Variants in PRR16 observed in about 807,000 individuals in gnomAD.
PRR16 encodes the protein protein Largen.
In PRR16, 6 loss-of-function variants were observed where a neutral mutation model predicts 18.2. The ratio of observed to expected loss-of-function variants is 0.33; its 90% confidence interval spans 0.18 to 0.65. The LOEUF (loss-of-function observed/expected upper bound fraction) is 0.65, where lower values mean the gene tolerates loss of function less well. Ranked by LOEUF, PRR16 falls within the 30% of genes least tolerant of loss-of-function variation. The pLI is 0.74. For synonymous variants in PRR16, 151 were observed against 147.8 expected (o/e 1.02, Z -0.16); for missense variants, 412 against 376.6 (o/e 1.09, Z -0.78).
the PRR16 span, among the ~76,000 whole-genome samples, chr5:120,745,564 AC>A: frequency 2.8e-5 from 4 of 145,056 alleles, no homozygotes; most frequent in African/African-American, 1.1e-4. Flanking sequence ...AACAACAACA[AC>A]AACAAATACT....
At chr5:120,524,655 T>C (rs1486892410) in intron 1 of PRR16, among the ~76,000 whole-genome samples, 1 of 152,044 alleles carries the variant, frequency 6.6e-6, no homozygotes, top group Non-Finnish European at 1.5e-5. Context: ...GAATTCATAG[T>C]ACATTTTAAA....
the PRR16 span, among the ~76,000 whole-genome samples, chr5:120,769,090 A>AT: frequency 0.5 from 73,880 of 149,226 alleles, 19,165 homozygotes; most frequent in East Asian, 0.79. Context: ...TCATGCCTTT[A>AT]TTTTTTTTTT....
chr5:120,615,112 C>G (rs1189274346), intron 1 of PRR16, among the ~76,000 whole-genome samples: 1 of 151,974 alleles, frequency 6.6e-6, no homozygotes, highest in Non-Finnish European at 1.5e-5. Context: ...GAAATTCTTT[C>G]CATATATTAA....
intron 1 of PRR16, among the ~76,000 whole-genome samples, chr5:120,626,447 C>A (rs1420237522): frequency 2.6e-5 from 4 of 152,032 alleles, no homozygotes; most frequent in African/African-American, 9.7e-5. Context: ...CCTAGGACTA[C>A]AAGTTATAAT....
In PRR16 at chr5:120,604,250, A is replaced by G. The variant is rs749574596; in HGVS notation, c.160-81704A>G. On this transcript the variant is annotated intron_variant, in intron 1 of 1. Transcript: ENST00000407149. ...CTAGGTACTCCTGTGGTGGGAGCAT[A>G]TATTTCTAGGATATGTAAGTCTTCT... Among the ~76,000 whole-genome samples, 7 of 152,162 alleles carry G rather than the reference A, an allele frequency of 4.6e-5. 1 individual carries two copies. In the East Asian group the frequency reaches 1.4e-3, roughly 29 times the overall value.
chr5:120,597,643 C>T (rs1753856635), intron 1 of PRR16, among the ~76,000 whole-genome samples: 1 of 151,714 alleles, frequency 6.6e-6, no homozygotes, highest in South Asian at 2.1e-4. Context: ...TGTTCTCTTG[C>T]TTGATCTGAG....
chr5:120,507,448 T>C (rs992713197), intron 1 of PRR16, among the ~76,000 whole-genome samples: 2 of 152,094 alleles, frequency 1.3e-5, no homozygotes, highest in African/African-American at 4.8e-5. Flanking sequence ...TTAGCAAAAG[T>C]GGCAAATGTG....
chr5:120,788,624 T>G, the PRR16 span, among the ~76,000 whole-genome samples: 3 of 152,240 alleles, frequency 2.0e-5, 1 homozygote, highest in Non-Finnish European at 4.4e-5. Flanking sequence ...GCTGCTGGGA[T>G]TATATAAAGT....
intron 1 of PRR16, among the ~76,000 whole-genome samples, chr5:120,680,404 A>G (rs1756934490): frequency 1.3e-5 from 2 of 152,148 alleles, no homozygotes; most frequent in Non-Finnish European, 2.9e-5. Context: ...TAGTTAATTC[A>G]TTTTAACTAC....
chr5:120,515,186 G>A (rs1480259563), intron 1 of PRR16, among the ~76,000 whole-genome samples: 1 of 152,110 alleles, frequency 6.6e-6, no homozygotes, highest in Non-Finnish European at 1.5e-5. Context: ...ACATAAGGGA[G>A]CAAGAGGTTG....
At chr5:120,785,991 T>G in the PRR16 span, among the ~76,000 whole-genome samples, 1 of 151,862 alleles carries the variant, frequency 6.6e-6, no homozygotes, top group Non-Finnish European at 1.5e-5. Context: ...AAAAAAAGAT[T>G]TTAAAAAATC....
intron 1 of PRR16, among the ~76,000 whole-genome samples, chr5:120,675,661 G>A (rs1487491066): frequency 6.6e-6 from 1 of 152,058 alleles, no homozygotes; most frequent in African/African-American, 2.4e-5. Context: ...GATCTGAGGA[G>A]GAAGACATGA....
intron 1 of PRR16, among the ~76,000 whole-genome samples, chr5:120,613,852 G>C (rs1044925170): frequency 2.0e-5 from 3 of 152,188 alleles, no homozygotes; most frequent in Admixed American, 6.5e-5. Context: ...TTTAGCCTAA[G>C]AGCTGAGCTT....
At position 120,641,862 on chromosome 5, in the gene PRR16, G is replaced by A. The variant is rs76683055; in HGVS notation, c.160-44092G>A. The stretch of plus-strand genomic sequence containing the variant: ...TTTGCATGTAGATATTTATCTGGAT[G>A]TCCTTAGGACTTCAAATCCAGTATG... On this transcript the variant is annotated intron_variant, in intron 1 of 1. Transcript: ENST00000407149. 2.0e-3 allele frequency among the ~76,000 whole-genome samples: 312 copies of A among 152,212 alleles called. 2 individuals carry two copies. Among genetic ancestry groups the A allele is most frequent in the Middle Eastern group, 6.8e-3 (2 of 294 alleles).
the PRR16 span, among the ~76,000 whole-genome samples, chr5:120,764,088 A>C: frequency 6.6e-6 from 1 of 152,068 alleles, no homozygotes; most frequent in Non-Finnish European, 1.5e-5. Context: ...TGGGACTTCC[A>C]TTACTATGTT....
the PRR16 span, among the ~76,000 whole-genome samples, chr5:120,782,047 TTAC>T: frequency 1.3e-5 from 2 of 152,322 alleles, no homozygotes; most frequent in Middle Eastern, 6.8e-3. Context: ...ATTGTTCATA[TTAC>T]TACTTTTCTT....
the PRR16 span, among the ~76,000 whole-genome samples, chr5:120,779,878 T>C: frequency 6.6e-6 from 1 of 152,160 alleles, no homozygotes; most frequent in Non-Finnish European, 1.5e-5. Context: ...CCAAGTAGCC[T>C]TGGGTCCTTT....
chr5:120,578,834 C>T (rs1371994285), intron 1 of PRR16, among the ~76,000 whole-genome samples: 1 of 152,124 alleles, frequency 6.6e-6, no homozygotes, highest in Non-Finnish European at 1.5e-5. Context: ...CTGTCTTCCA[C>T]AAGGGTGGAA....
At chr5:120,767,698 C>T in the PRR16 span, among the ~76,000 whole-genome samples, 1 of 151,758 alleles carries the variant, frequency 6.6e-6, no homozygotes. Flanking sequence ...CATGATGTCA[C>T]AGGAAGAAAT....
Sources: gnomAD v4.1 joint callset for allele counts (sites outside exome capture counted in the v4.1 genomes callset) on GRCh38, gnomAD v4.1.1 for gene constraint, MANE v1.5 for transcripts, NCBI Gene and HGNC (gene_info 2026-07-23, HGNC 2026-07-21) for gene names.